The following DMD variants were observed in gnomAD, a reference collection of about 807,000 sequenced individuals.
The protein encoded by DMD is mutant dystrophin.
DMD carries 63 observed loss-of-function variants against 330.1 expected under a neutral mutation model. The observed-to-expected ratio is 0.19, with a 90% confidence interval of 0.16 to 0.24. The LOEUF (loss-of-function observed/expected upper bound fraction) is 0.24, where lower values mean the gene tolerates loss of function less well. Ranked by LOEUF, DMD falls within the 10% of genes least tolerant of loss-of-function variation. The probability of loss-of-function intolerance (pLI) is 1.00; values close to 1 mark genes in which losing one functional copy is unlikely to be tolerated. For synonymous variants in DMD, 1,223 were observed against 959.8 expected, an observed-to-expected ratio of 1.27 and a Z score of -5.07; for missense variants, 3,344 against 2,684.1, an observed-to-expected ratio of 1.25 and a Z score of -5.43.
intron 44 of DMD, among the ~76,000 whole-genome samples, chrX:32,027,520 G>T (rs1335394032): frequency 9.0e-6 from 1 of 111,161 alleles, no homozygotes; most frequent in Non-Finnish European, 1.9e-5. Flanking sequence ...AATGAAAGAG[G>T]ATGTAATTCA....
intron 13 of DMD, among the ~76,000 whole-genome samples, chrX:32,577,624 T>C (rs1311878575): frequency 8.9e-6 from 1 of 112,516 alleles, no homozygotes; most frequent in African/African-American, 3.2e-5. Flanking sequence ...TTTACTGTAT[T>C]CACTGTAGAA....
chrX:32,145,428 C>A (rs1387945392), intron 44 of DMD, among the ~76,000 whole-genome samples: 1 of 111,962 alleles, frequency 8.9e-6, no homozygotes, highest in East Asian at 2.8e-4. Context: ...AAAACAGTCC[C>A]AAGGAGTTTG....
chrX:32,931,274 C>A (rs1048852021), intron 2 of DMD, among the ~76,000 whole-genome samples: 1 of 110,404 alleles, frequency 9.1e-6, no homozygotes, highest in African/African-American at 3.3e-5. Context: ...AAGGAGATAA[C>A]CCTAAATTTA....
chrX:33,269,322 C>T lies in DMD; in HGVS notation c.7+69937G>A, dbSNP rs191958245. 6.3e-5 allele frequency among the ~76,000 whole-genome samples: 7 copies of T among 110,957 alleles called. No individual in the cohort carries two copies. In the East Asian group the frequency reaches 1.4e-3, roughly 23 times the overall value. On this transcript the variant is annotated intron_variant, in intron 1 of 17. Transcript: ENST00000288447. ...TGGAGCTGGAGGACATTATATTAAGCGAAGTAATGCAAGAACAGAAAACCA... is the reference window on the plus strand; with the variant it reads ...TGGAGCTGGAGGACATTATATTAAGTGAAGTAATGCAAGAACAGAAAACCA...
At chrX:31,660,514 CTTA>C (rs777925595) in intron 53 of DMD, among the ~76,000 whole-genome samples, 2 of 111,799 alleles carry the variant, frequency 1.8e-5, no homozygotes, top group Non-Finnish European at 3.8e-5. Flanking sequence ...AAAAGAAGAG[CTTA>C]TTATCTCTCA....
chrX:32,494,949 T>C (rs1302763586), intron 19 of DMD, among the ~76,000 whole-genome samples: 2 of 111,256 alleles, frequency 1.8e-5, no homozygotes, highest in African/African-American at 6.5e-5. Context: ...TATTCTAGCC[T>C]GGGCAACAGA....
intron 44 of DMD, among the ~76,000 whole-genome samples, chrX:32,197,168 TTTTTA>T (rs1164625363): frequency 3.0e-4 from 33 of 110,060 alleles, no homozygotes; most frequent in African/African-American, 6.6e-4. Flanking sequence ...GTCCCTCTCT[TTTTTA>T]TTTTAATTTT....
chrX:32,095,025 A>T (rs1380411903), intron 44 of DMD, among the ~76,000 whole-genome samples: 1 of 111,543 alleles, frequency 9.0e-6, no homozygotes, highest in African/African-American at 3.3e-5. Context: ...CTAGAAAAAC[A>T]TGAGACAAAT....
intron 55 of DMD, among the ~76,000 whole-genome samples, chrX:31,520,208 G>A (rs1482015376): frequency 8.9e-6 from 1 of 111,839 alleles, no homozygotes; most frequent in East Asian, 2.8e-4. Flanking sequence ...TTGGCTTTGT[G>A]TCCTCACCCA....
intron 1 of DMD, among the ~76,000 whole-genome samples, chrX:33,274,811 C>T (rs761269397): frequency 2.5e-4 from 28 of 111,414 alleles, no homozygotes; most frequent in African/African-American, 9.1e-4. Context: ...TGTATATCTG[C>T]CTCCTCCAGG....
chrX:31,719,624 T>C (rs2085320295), intron 52 of DMD, among the ~76,000 whole-genome samples: 1 of 111,913 alleles, frequency 8.9e-6, no homozygotes, highest in South Asian at 3.7e-4. Flanking sequence ...ATAAAGGACA[T>C]GTACAAGTAG....
At chrX:31,417,208 G>C (rs1165648375) in intron 60 of DMD, among the ~76,000 whole-genome samples, 1 of 112,546 alleles carries the variant, frequency 8.9e-6, no homozygotes, top group Non-Finnish European at 1.9e-5. Flanking sequence ...GGTGAATGTA[G>C]GTAATCGGTA....
chrX:32,679,902 CTTTTTTTT>C (rs766270656), intron 9 of DMD, among the ~76,000 whole-genome samples: 10 of 23,578 alleles, frequency 4.2e-4, no homozygotes, highest in African/African-American at 1.2e-3. Context: ...AATATTTGTA[CTTTTTTTT>C]TTTTTTTTTT....
intron 2 of DMD, among the ~76,000 whole-genome samples, chrX:33,013,947 C>T (rs900574201): frequency 1.8e-5 from 2 of 111,780 alleles, no homozygotes; most frequent in Non-Finnish European, 3.8e-5. Context: ...CTGTTTGATG[C>T]CAAGAAGGTA....
intron 44 of DMD, among the ~76,000 whole-genome samples, chrX:32,021,457 G>A (rs138470110): frequency 1.6e-3 from 183 of 111,766 alleles, no homozygotes; most frequent in Non-Finnish European, 2.9e-3. Context: ...GATTAGCAAG[G>A]GGTAACATAG....
chrX:32,795,276 A>C (rs773168853), intron 7 of DMD, among the ~76,000 whole-genome samples: 1 of 112,418 alleles, frequency 8.9e-6, no homozygotes, highest in South Asian at 3.7e-4. Context: ...ACAGACATAT[A>C]GAACAATGGA....
chrX:31,270,026 C>T (rs995385784), intron 62 of DMD, among the ~76,000 whole-genome samples: 1 of 111,444 alleles, frequency 9.0e-6, no homozygotes, highest in Non-Finnish European at 1.9e-5. Context: ...GGTATTTATT[C>T]TTCAGGTTCC....
chrX:32,198,682 A>G (rs976920663), intron 44 of DMD, among the ~76,000 whole-genome samples: 2 of 111,770 alleles, frequency 1.8e-5, no homozygotes, highest in Non-Finnish European at 3.8e-5. Flanking sequence ...CAATTACTGT[A>G]TTAAATAAAA....
In DMD at chrX:32,216,931, G is replaced by A. The variant is rs1425702864; in HGVS notation, c.6423C>T (p.Tyr2141=). Residue 2141 remains tyrosine (Y), a synonymous_variant, in exon 44 of 79, where the codon TAC becomes TAT. Transcript: ENST00000357033. The part of the protein sequence containing the change: ...QIPENWEHAK[Y]KWYLKELQDG... ...AAAGACTTACCTTAAGATACCATTT[G>A]TATTTAGCATGTTCCCAATTCTCAG... is the stretch of plus-strand genomic sequence containing the variant. 8.3e-7 allele frequency: 1 copy of A among 1,204,176 alleles called. No individual in the cohort carries two copies. The highest frequency in any genetic ancestry group is 1.1e-6 in the Non-Finnish European group (1 of 891,667).
Sources: allele counts gnomAD v4.1 joint callset (sites outside exome capture counted in the v4.1 genomes callset), GRCh38; gene constraint gnomAD v4.1.1; transcripts MANE v1.5; gene names NCBI Gene and HGNC (gene_info 2026-07-23, HGNC 2026-07-21).